Variants in STK3 observed in about 807,000 individuals in gnomAD.
STK3 encodes the protein serine/threonine kinase 3, also known as serine/threonine-protein kinase 3.
STK3 carries 41 observed loss-of-function variants against 58.0 expected under a neutral mutation model. The observed-to-expected ratio is 0.71, with a 90% CI of 0.55 to 0.92. STK3 has a LOEUF of 0.92. STK3 is among the 40% of genes least tolerant of loss of function. The pLI is 0.00. For missense variants in STK3, 479 were observed against 602.7 expected, an observed-to-expected ratio of 0.79 and a Z score of 2.15; for synonymous variants, 170 against 191.0, an observed-to-expected ratio of 0.89 and a Z score of 0.91.
rs183929639 is a variant in STK3, at chr8:98,733,422, T to C, written c.351+15854A>G. On this transcript the variant is annotated intron_variant, in intron 4 of 10. Coordinates refer to ENST00000419617, the MANE Select transcript of STK3 (RefSeq NM_006281.4). ...GATCAGCAGCAGCATTAGATTCTCA[T>C]AGGAGAATAAACCCTATTGTGAACT... 5.1e-4 allele frequency among the ~76,000 whole-genome samples: 77 copies of C among 152,290 alleles called. No homozygotes were observed. The East Asian group carries it at 0.014, about 28-fold the overall frequency.
intron 3 of STK3, chr8:98,430,271 T>A (rs1818309196): frequency 6.0e-6 from 1 of 167,084 alleles, no homozygotes; most frequent in South Asian, 2.1e-4. Context: ...TGTAGAGAAA[T>A]GTATTTCCGG....
intron 3 of STK3, chr8:98,413,598 T>G (rs1001823131): frequency 5.8e-6 from 4 of 694,324 alleles, no homozygotes; most frequent in Non-Finnish European, 1.1e-5. Flanking sequence ...GAGAGTTGTT[T>G]CAATTTGTTG....
chr8:98,787,274 G>C (rs1832535431), intron 1 of STK3, among the ~76,000 whole-genome samples: 1 of 144,570 alleles, frequency 6.9e-6, no homozygotes, highest in African/African-American at 2.6e-5. Context: ...CACATTTACA[G>C]AAATGCAAAA....
chr8:98,740,987 A>G (rs571107304), intron 4 of STK3, among the ~76,000 whole-genome samples: 1 of 152,046 alleles, frequency 6.6e-6, no homozygotes, highest in Non-Finnish European at 1.5e-5. Context: ...AAAGATCAAA[A>G]GAGACAAAGA....
chr8:98,653,130 G>A (rs917152777), intron 6 of STK3, among the ~76,000 whole-genome samples: 8 of 152,144 alleles, frequency 5.3e-5, no homozygotes, highest in Admixed American at 6.5e-5. Context: ...ATAACAAACT[G>A]TCTCTCAGAC....
rs969548564 is a variant in STK3, at chr8:98,858,238, C to T, written c.110+25409G>A. On this transcript the variant is annotated intron_variant, in intron 3 of 12. Coordinates refer to the STK3 transcript ENST00000523601. Reference sequence around the variant, plus strand: ...GTCTACTAAAAATACAAAAATTAGCCGGATGTGGTGGCATGCACCTATAGT... The same window carrying T: ...GTCTACTAAAAATACAAAAATTAGCTGGATGTGGTGGCATGCACCTATAGT... Among the ~76,000 whole-genome samples, 2 of 139,242 alleles carry T rather than the reference C, an allele frequency of 1.4e-5. 1 individual carries two copies. Among genetic ancestry groups the T allele is most frequent in the Admixed American group, 1.5e-4 (2 of 13,260 alleles). 91.3% of individuals were successfully genotyped at this position (139,242 alleles called of 152,430 possible).
chr8:98,708,783 G>A (rs910662961), intron 4 of STK3, among the ~76,000 whole-genome samples: 22 of 152,146 alleles, frequency 1.4e-4, no homozygotes, highest in African/African-American at 4.8e-4. Context: ...CTGAGTGAGT[G>A]AGAAGTTGAA....
chr8:98,762,854 T>C (rs1422853945), intron 3 of STK3, among the ~76,000 whole-genome samples: 4 of 152,208 alleles, frequency 2.6e-5, no homozygotes, highest in African/African-American at 4.8e-5. Context: ...CTTTGAACTG[T>C]TGGAATCTTT....
At chr8:98,803,783 G>T (rs554389111) in intron 1 of STK3, among the ~76,000 whole-genome samples, 1 of 152,034 alleles carries the variant, frequency 6.6e-6, no homozygotes, top group South Asian at 2.1e-4. Context: ...TAAAAAATTA[G>T]TCCATTATAT....
chr8:98,774,757 AATAC>A lies in STK3; in HGVS notation c.85_88del (p.Val29Ter). The A allele has an allele frequency of 6.3e-7, 1 of 1,588,458 alleles. No homozygotes were observed. Among genetic ancestry groups the A allele is most frequent in the South Asian group, 1.2e-5 (1 of 84,570 alleles). ...TACTTACCCTTCTCCAAGCTTCTCT[AATAC>A]ATCAAAAACTTCTTCAGGCTGCTTA... On this transcript the variant is annotated frameshift_variant, in exon 2 of 11. Transcript: ENST00000419617. LOFTEE classifies it high-confidence loss of function.
chr8:98,753,901 T>G (rs1830132189), intron 3 of STK3, among the ~76,000 whole-genome samples: 1 of 152,196 alleles, frequency 6.6e-6, no homozygotes, highest in Non-Finnish European at 1.5e-5. Flanking sequence ...CCTGTTCTAG[T>G]CTATGCTACA....
At chr8:98,936,028 C>T (rs1840181887) in intron 1 of STK3, among the ~76,000 whole-genome samples, 1 of 152,026 alleles carries the variant, frequency 6.6e-6, no homozygotes, top group Admixed American at 6.5e-5. Flanking sequence ...GCCATTCTCC[C>T]ACTTCAGCCT....
intron 1 of STK3, among the ~76,000 whole-genome samples, chr8:98,793,134 C>T (rs932459540): frequency 1.3e-5 from 2 of 151,960 alleles, no homozygotes; most frequent in Non-Finnish European, 2.9e-5. Flanking sequence ...TATGAGGACG[C>T]AAAGGCATAA....
Position 98,380,535 on chromosome 8 carries a change from C to T in STK3, n.57-1328G>A, listed in dbSNP as rs558804567. Among the ~76,000 whole-genome samples, 10 of 152,270 alleles carry T rather than the reference C, an allele frequency of 6.6e-5. 1 individual carries two copies. The highest frequency in any genetic ancestry group is 1.9e-4 in the African/African-American group (8 of 41,558). ...TATTACCTTAGAATAGATGTTATTT[C>T]GAGGAATGCTATTTCTGAGTCAGAG... is the stretch of plus-strand genomic sequence containing the variant. On this transcript the variant is annotated intron_variant and non_coding_transcript_variant, in intron 1 of 2. Coordinates refer to the STK3 transcript ENST00000518704.
At chr8:98,685,546 G>A (rs1389366331) in intron 6 of STK3, among the ~76,000 whole-genome samples, 2 of 151,886 alleles carry the variant, frequency 1.3e-5, no homozygotes, top group African/African-American at 2.4e-5. Flanking sequence ...CCCAGTTTAG[G>A]GTCTAGGATG....
intron 1 of STK3, among the ~76,000 whole-genome samples, chr8:98,910,487 A>T (rs1035637547): frequency 2.6e-5 from 4 of 152,236 alleles, no homozygotes; most frequent in African/African-American, 9.6e-5. Flanking sequence ...GTTATTCAAA[A>T]CAAAATATTG....
chr8:98,684,337 C>G (rs1823833247), intron 6 of STK3, among the ~76,000 whole-genome samples: 1 of 152,114 alleles, frequency 6.6e-6, no homozygotes, highest in South Asian at 2.1e-4. Flanking sequence ...ACAGTAATTC[C>G]TTTGGGTACT....
chr8:98,909,475 G>T (rs933240792), intron 1 of STK3, among the ~76,000 whole-genome samples: 1 of 152,130 alleles, frequency 6.6e-6, no homozygotes, highest in Non-Finnish European at 1.5e-5. Context: ...ACTTCAAAAA[G>T]AAATCTCCGT....
At chr8:98,717,197 A>T (rs987218407) in intron 4 of STK3, among the ~76,000 whole-genome samples, 4 of 152,088 alleles carry the variant, frequency 2.6e-5, no homozygotes, top group African/African-American at 9.6e-5. Context: ...AATTAAAAAA[A>T]AAAACCTGTG....
Sources: gnomAD v4.1 joint callset for allele counts (sites outside exome capture counted in the v4.1 genomes callset) on GRCh38, gnomAD v4.1.1 for gene constraint, MANE v1.5 for transcripts, NCBI Gene and HGNC (gene_info 2026-07-23, HGNC 2026-07-21) for gene names.